SPOPL: variants seen among roughly 807,000 people sequenced by gnomAD.
The protein encoded by SPOPL is speckle-type POZ protein-like.
SPOPL carries 23 observed loss-of-function variants against 53.8 expected under a neutral mutation model. The observed-to-expected ratio is 0.43, with a 90% CI of 0.31 to 0.61. The LOEUF (loss-of-function observed/expected upper bound fraction) is 0.61. Ranked by LOEUF, SPOPL falls within the 20% of genes least tolerant of loss-of-function variation. The pLI, the probability that SPOPL is intolerant of heterozygous loss-of-function variation, is 0.12. For synonymous variants in SPOPL, 164 were observed against 149.7 expected, an observed-to-expected ratio of 1.10 and a Z score of -0.70; for missense variants, 442 against 466.9, an observed-to-expected ratio of 0.95 and a Z score of 0.49.
At chr2:138,514,142 C>G (rs1159972218) in intron 1 of SPOPL, among the ~76,000 whole-genome samples, 5 of 152,018 alleles carry the variant, frequency 3.3e-5, no homozygotes, top group African/African-American at 1.2e-4. Flanking sequence ...TTTATTTTGC[C>G]AAGGTTGAGG....
chr2:138,543,790 C>G (rs1685128784), intron 1 of SPOPL, among the ~76,000 whole-genome samples: 1 of 152,112 alleles, frequency 6.6e-6, no homozygotes, highest in Non-Finnish European at 1.5e-5. Flanking sequence ...AGCTGCGTTC[C>G]TTTGGAGGAG....
intron 1 of SPOPL, among the ~76,000 whole-genome samples, chr2:138,518,065 A>G (rs940095444): frequency 4.7e-5 from 7 of 149,912 alleles, no homozygotes; most frequent in African/African-American, 1.5e-4. Context: ...AAAAAAAAAA[A>G]GAAAAGGAAA....
At chr2:138,535,874 G>A (rs1457554322) in intron 1 of SPOPL, among the ~76,000 whole-genome samples, 2 of 151,840 alleles carry the variant, frequency 1.3e-5, no homozygotes, top group East Asian at 1.9e-4. Context: ...TTGTCTGTAA[G>A]TTCACTAATT....
In SPOPL at chr2:138,568,983, A is replaced by G; in HGVS notation, c.1082A>G (p.Gln361Arg). Residue 361 changes from glutamine (Q) to arginine (R), a missense_variant, in exon 11 of 11, where the codon CAG becomes CGG. By Grantham distance (43) the Gln-to-Arg change is conservative (BLOSUM62 1). Coordinates refer to ENST00000280098, the MANE Select transcript of SPOPL (RefSeq NM_001001664.3). ...ACATCAGGGTGGAAGTCCATGATTC[A>G]GTCTCACCCTCATTTAGTAGCAGAA... Reference protein sequence around the residue: ...METSGWKSMIQSHPHLVAEAF... With the variant: ...METSGWKSMIRSHPHLVAEAF... 1 of 1,613,984 alleles carries G rather than the reference A, an allele frequency of 6.2e-7. No homozygotes were observed. The highest frequency in any genetic ancestry group is 8.5e-7 in the Non-Finnish European group (1 of 1,179,860).
chr2:138,507,687 G>A (rs1684243546), intron 1 of SPOPL, among the ~76,000 whole-genome samples: 1 of 152,180 alleles, frequency 6.6e-6, no homozygotes, highest in Non-Finnish European at 1.5e-5. Context: ...GGAGAGGTTG[G>A]CCATGCCATT....
Position 138,570,996 on chromosome 2 carries a change from C to T in SPOPL, c.*1916C>T, listed in dbSNP as rs901676634. The T allele has an allele frequency of 1.3e-5, 2 of 152,094 alleles. No individual in the cohort carries two copies. Among genetic ancestry groups the T allele is most frequent in the Non-Finnish European group, 2.9e-5 (2 of 67,996 alleles). The allele number at this position is 152,094 out of a possible 1,614,324, so 9.4% of individuals were successfully genotyped here. ...GAAAGATTCTTACCTGGTGATGGAA[C>T]TTCATACTTCATCCTGTGTAAGAGT... is the stretch of plus-strand genomic sequence containing the variant. On this transcript the variant is annotated 3_prime_UTR_variant, in exon 11 of 11. Transcript: ENST00000280098.
Position 138,550,155 on chromosome 2 carries a change from A to G in SPOPL, c.-60-2A>G, listed in dbSNP as rs866135732. 4.8e-5 allele frequency: 70 copies of G among 1,465,004 alleles called. No individual in the cohort carries two copies. The highest frequency in any genetic ancestry group is 3.6e-5 in the Non-Finnish European group (38 of 1,049,026). 90.8% of individuals were successfully genotyped at this position (1,465,004 alleles called of 1,614,324 possible). A position where few individuals can be genotyped will look rare whatever the true frequency, so the allele number is the denominator to read the frequency against. On this transcript the variant is annotated splice_acceptor_variant, in intron 1 of 10. Transcript: ENST00000280098. LOFTEE classifies it low-confidence loss of function (5UTR_SPLICE). ...AGTACATCAAACTTCTTTCCTTTGT[A>G]GGTAAGGTACTCAACTGTGTGGGGT...
chr2:138,543,652 GT>G (rs1258750302), intron 1 of SPOPL, among the ~76,000 whole-genome samples: 1 of 151,970 alleles, frequency 6.6e-6, no homozygotes, highest in African/African-American at 2.4e-5. Context: ...TTTTTTCAAG[GT>G]TTTTAACTTC....
At chr2:138,555,057 G>A (rs1023968500) in intron 5 of SPOPL, among the ~76,000 whole-genome samples, 4 of 151,718 alleles carry the variant, frequency 2.6e-5, no homozygotes, top group East Asian at 3.9e-4. Flanking sequence ...ATCATAACAT[G>A]GTGGACATCA....
chr2:138,551,099 A>G lies in SPOPL; in HGVS notation c.352+45A>G, dbSNP rs112322314. On this transcript the variant is annotated intron_variant, in intron 4 of 10. Transcript: ENST00000280098. Reference sequence around the variant, plus strand: ...AGTGAAGACATTTCTGTATAACTACATATTATGACTTCTTCTGCACCTTTA... The same window carrying G: ...AGTGAAGACATTTCTGTATAACTACGTATTATGACTTCTTCTGCACCTTTA... The G allele has an allele frequency of 1.1e-3, 1,798 of 1,600,558 alleles. 17 individuals are homozygous for G. The African/African-American group carries it at 0.022, about 19-fold the overall frequency.
Position 138,570,203 on chromosome 2 carries a change from T to C in SPOPL, c.*1123T>C, listed in dbSNP as rs1685751230. 6.6e-6 allele frequency: 1 copy of C among 152,122 alleles called. No individual in the cohort carries two copies. The highest frequency in any genetic ancestry group is 6.6e-5 in the Admixed American group (1 of 15,252). 9.4% of individuals were successfully genotyped at this position (152,122 alleles called of 1,614,324 possible). A position where few individuals can be genotyped will look rare whatever the true frequency, so the allele number is the denominator to read the frequency against. On this transcript the variant is annotated 3_prime_UTR_variant, in exon 11 of 11. Transcript: ENST00000280098. ...GGATAGTCTACTCTCCTTCAAACAA[T>C]TAACTGATACTTGCCTTTGGGAGAT...
intron 1 of SPOPL, among the ~76,000 whole-genome samples, chr2:138,535,760 C>T (rs1684918270): frequency 6.6e-6 from 1 of 151,758 alleles, no homozygotes; most frequent in Non-Finnish European, 1.5e-5. Flanking sequence ...TCTGATACTC[C>T]CATTATATAC....
rs1219112760 is a variant in SPOPL, at chr2:138,550,570, A to G, written c.166A>G (p.Thr56Ala). The G allele has an allele frequency of 6.2e-7, 1 of 1,610,526 alleles. No homozygotes were observed. The highest frequency in any genetic ancestry group is 2.2e-5 in the East Asian group (1 of 44,768). The part of the protein sequence containing the change: ...EEMGEVLKSS[T>A]FSSGPSDKMK... ...AATGGGTGAAGTGTTAAAAAGTTCA[A>G]CATTTTCATCTGGCCCAAGTGACAA... is the stretch of plus-strand genomic sequence containing the variant. Residue 56 changes from threonine (T) to alanine (A), a missense_variant, in exon 3 of 11, where the codon ACA becomes GCA. Coordinates refer to ENST00000280098, the MANE Select transcript of SPOPL (RefSeq NM_001001664.3).
chr2:138,566,811 T>G (rs577817264), intron 10 of SPOPL, among the ~76,000 whole-genome samples: 5 of 152,334 alleles, frequency 3.3e-5, no homozygotes, highest in African/African-American at 1.2e-4. Flanking sequence ...AAATATATCA[T>G]TTCATTATAA....
At chr2:138,504,833 T>C (rs1459688636) in intron 1 of SPOPL, among the ~76,000 whole-genome samples, 1 of 152,238 alleles carries the variant, frequency 6.6e-6, no homozygotes, top group Admixed American at 6.5e-5. Context: ...AAGAGTAATA[T>C]GCAGTCTCTG....
chr2:138,520,892 C>G (rs887050912), intron 1 of SPOPL, among the ~76,000 whole-genome samples: 6 of 151,962 alleles, frequency 3.9e-5, no homozygotes, highest in Non-Finnish European at 5.9e-5. Flanking sequence ...TTTAAAAATC[C>G]TAATACTGTA....
At chr2:138,512,891 T>A (rs1300625093) in intron 1 of SPOPL, among the ~76,000 whole-genome samples, 4 of 152,234 alleles carry the variant, frequency 2.6e-5, no homozygotes, top group African/African-American at 9.6e-5. Flanking sequence ...AAGTGTCTAG[T>A]CATTGAGTAC....
chr2:138,530,185 G>GT (rs1396592661), intron 1 of SPOPL, among the ~76,000 whole-genome samples: 1 of 152,164 alleles, frequency 6.6e-6, no homozygotes, highest in African/African-American at 2.4e-5. Flanking sequence ...GTATTCTGTG[G>GT]TGTATGACAT....
At chr2:138,534,879 C>T (rs1684894478) in intron 1 of SPOPL, among the ~76,000 whole-genome samples, 1 of 152,222 alleles carries the variant, frequency 6.6e-6, no homozygotes, top group African/African-American at 2.4e-5. Context: ...TATCTTCTTT[C>T]ACTTAGCATA....
Sources: gnomAD v4.1 joint callset for allele counts (sites outside exome capture counted in the v4.1 genomes callset) on GRCh38, gnomAD v4.1.1 for gene constraint, MANE v1.5 for transcripts, NCBI Gene and HGNC (gene_info 2026-07-23, HGNC 2026-07-21) for gene names.